The following FHIT variants were observed in gnomAD, a reference collection of about 807,000 sequenced individuals.
The protein encoded by FHIT is bis(5'-adenosyl)-triphosphatase.
A neutral mutation model predicts 17.9 loss-of-function variants in FHIT; 19 were observed. The ratio of observed to expected loss-of-function variants is 1.06; its 90% CI spans 0.74 to 1.56. FHIT has a LOEUF of 1.56. Ranked by LOEUF, FHIT falls within the 40% of genes most tolerant of loss-of-function variation. The pLI, the probability that FHIT is intolerant of heterozygous loss-of-function variation, is 0.00. For missense variants in FHIT, 248 were observed against 189.2 expected (o/e 1.31, Z -1.82); for synonymous variants, 81 against 69.7 (o/e 1.16, Z -0.81).
At chr3:60,246,500 G>C (rs779079914) in intron 5 of FHIT, among the ~76,000 whole-genome samples, 15 of 152,036 alleles carry the variant, frequency 9.9e-5, no homozygotes, top group Non-Finnish European at 1.5e-4. Context: ...CAGAAAATGG[G>C]AGTCTTTAAT....
chr3:60,973,852 A>G (rs1710128843), intron 3 of FHIT, among the ~76,000 whole-genome samples: 1 of 152,166 alleles, frequency 6.6e-6, no homozygotes. Context: ...TACTCAGCAC[A>G]ATTTTATTGC....
chr3:60,513,218 T>G (rs2035015446), intron 5 of FHIT, among the ~76,000 whole-genome samples: 1 of 152,210 alleles, frequency 6.6e-6, no homozygotes, highest in African/African-American at 2.4e-5. Flanking sequence ...TCAAAGTTAA[T>G]GAATCTCAAT....
intron 3 of FHIT, among the ~76,000 whole-genome samples, chr3:60,989,471 T>C (rs1456753674): frequency 6.6e-6 from 1 of 152,202 alleles, no homozygotes; most frequent in African/African-American, 2.4e-5. Flanking sequence ...TTGCTACATA[T>C]AAGACACTTT....
intron 5 of FHIT, among the ~76,000 whole-genome samples, chr3:60,506,985 T>C (rs1011922351): frequency 6.6e-6 from 1 of 152,028 alleles, no homozygotes; most frequent in Non-Finnish European, 1.5e-5. Flanking sequence ...GAAGTTACTA[T>C]AGTGAAAAAA....
chr3:60,875,300 A>T (rs1384948836), intron 3 of FHIT, among the ~76,000 whole-genome samples: 1 of 152,136 alleles, frequency 6.6e-6, no homozygotes, highest in Non-Finnish European at 1.5e-5. Context: ...CTAGAATTCT[A>T]CCCACCTCTT....
At chr3:61,072,414 G>A (rs555047415) in intron 2 of FHIT, among the ~76,000 whole-genome samples, 21 of 152,282 alleles carry the variant, frequency 1.4e-4, no homozygotes, top group African/African-American at 4.8e-4. Flanking sequence ...ATCACCAAGT[G>A]GGACAATTGT....
chr3:60,272,000 C>A (rs960506038), intron 5 of FHIT, among the ~76,000 whole-genome samples: 1 of 152,150 alleles, frequency 6.6e-6, no homozygotes, highest in African/African-American at 2.4e-5. Context: ...GAGACCTGTC[C>A]AAGATCATAG....
At chr3:61,106,112 C>A (rs2035981335) in intron 2 of FHIT, among the ~76,000 whole-genome samples, 1 of 152,182 alleles carries the variant, frequency 6.6e-6, no homozygotes, top group African/African-American at 2.4e-5. Context: ...ACTTGACAAA[C>A]AAGGACCTAC....
At chr3:60,416,249 A>T (rs1248908449) in intron 5 of FHIT, among the ~76,000 whole-genome samples, 1 of 152,168 alleles carries the variant, frequency 6.6e-6, no homozygotes, top group Non-Finnish European at 1.5e-5. Flanking sequence ...GGTGAAGAAG[A>T]GGAGAAATAG....
At chr3:60,738,111 C>G (rs147269777) in intron 4 of FHIT, among the ~76,000 whole-genome samples, 2 of 151,936 alleles carry the variant, frequency 1.3e-5, no homozygotes, top group African/African-American at 4.8e-5. Flanking sequence ...GGAATCCGAC[C>G]GGGAGAGGAA....
intron 5 of FHIT, among the ~76,000 whole-genome samples, chr3:60,528,731 G>C (rs964159650): frequency 2.6e-5 from 4 of 152,172 alleles, no homozygotes; most frequent in Admixed American, 6.5e-5. Context: ...GCATTGGCAT[G>C]TCTATTCCTG....
intron 4 of FHIT, among the ~76,000 whole-genome samples, chr3:60,620,305 A>G (rs955619751): frequency 6.6e-6 from 1 of 152,228 alleles, no homozygotes; most frequent in South Asian, 2.1e-4. Context: ...GTATTTACCC[A>G]AAGTAGTTGA....
chr3:60,449,731 G>A (rs759763048), intron 5 of FHIT, among the ~76,000 whole-genome samples: 2 of 152,032 alleles, frequency 1.3e-5, no homozygotes, highest in Non-Finnish European at 2.9e-5. Flanking sequence ...GGTAGCTGGC[G>A]TGGTGACTCA....
At chr3:59,942,454 G>A (rs747953105) in intron 7 of FHIT, among the ~76,000 whole-genome samples, 4 of 152,004 alleles carry the variant, frequency 2.6e-5, no homozygotes, top group Non-Finnish European at 4.4e-5. Context: ...TTAAATATTC[G>A]ACCAAGAGTG....
chr3:59,863,583 T>C (rs550531947), intron 8 of FHIT, among the ~76,000 whole-genome samples: 1 of 152,318 alleles, frequency 6.6e-6, no homozygotes, highest in South Asian at 2.1e-4. Context: ...TGATTATTCA[T>C]TCACAGCTCT....
chr3:60,485,045 T>C (rs2033776545), intron 5 of FHIT, among the ~76,000 whole-genome samples: 1 of 151,838 alleles, frequency 6.6e-6, no homozygotes, highest in Non-Finnish European at 1.5e-5. Flanking sequence ...AACAAACATA[T>C]GAAAAAAAGC....
intron 5 of FHIT, among the ~76,000 whole-genome samples, chr3:60,329,466 T>C (rs1709857970): frequency 6.6e-6 from 1 of 152,202 alleles, no homozygotes; most frequent in African/African-American, 2.4e-5. Flanking sequence ...ACAATGCAAC[T>C]ACTAATCATA....
intron 4 of FHIT, among the ~76,000 whole-genome samples, chr3:60,641,766 G>A (rs2039730526): frequency 6.6e-6 from 1 of 152,098 alleles, no homozygotes; most frequent in Admixed American, 6.5e-5. Context: ...CCAAAAACCA[G>A]ATTCTGATGG....
At chr3:60,870,863 T>C (rs1346651594) in intron 3 of FHIT, among the ~76,000 whole-genome samples, 4 of 152,090 alleles carry the variant, frequency 2.6e-5, no homozygotes, top group African/African-American at 7.2e-5. Flanking sequence ...CCATGGACCA[T>C]GGTAAATGAG....
Sources: allele counts gnomAD v4.1 joint callset (sites outside exome capture counted in the v4.1 genomes callset), GRCh38; gene constraint gnomAD v4.1.1; transcripts MANE v1.5; gene names NCBI Gene and HGNC (gene_info 2026-07-23, HGNC 2026-07-21).